NPR3: variants seen among roughly 807,000 people sequenced by gnomAD.
NPR3 encodes natriuretic peptide receptor 3.
In NPR3, 34 loss-of-function variants were observed where a neutral mutation model predicts 54.5. The ratio of observed to expected loss-of-function variants is 0.62; its 90% CI spans 0.47 to 0.83. The LOEUF is 0.83. NPR3 is among the 40% of genes least tolerant of loss of function. The pLI is 0.00. For missense variants in NPR3, 674 were observed against 720.8 expected (o/e 0.94, Z 0.74); for synonymous variants, 289 against 297.1 (o/e 0.97, Z 0.28).
intron 3 of NPR3, among the ~76,000 whole-genome samples, chr5:32,772,964 G>A (rs1173741): frequency 0.066 from 10,009 of 152,148 alleles, 1,066 homozygotes; most frequent in African/African-American, 0.22. Context: ...ATCTGCTTCC[G>A]GGATGCAAAC....
Position 32,712,013 on chromosome 5 carries a change from T to C in NPR3, c.237T>C (p.Ala79=), listed in dbSNP as rs6859964. ...GGGTGCGGCCGGCCATCGAGTATGC[T>C]CTGCGCAGCGTGGAGGGCAACGGGA... ...LTRVRPAIEY[A]LRSVEGNGTG... The change falls in exon 1 of 8, where the codon GCT becomes GCC. Residue 79 remains alanine, a synonymous_variant. Transcript: ENST00000265074. 10,926 of 1,613,512 alleles carry C rather than the reference T, an allele frequency of 6.8e-3. 649 individuals are homozygous for C. In the African/African-American group the frequency reaches 0.13, roughly 19 times the overall value.
intron 1 of NPR3, among the ~76,000 whole-genome samples, chr5:32,699,331 C>T (rs564322552): frequency 5.9e-5 from 9 of 152,250 alleles, no homozygotes; most frequent in African/African-American, 1.9e-4. Context: ...GATACAAGTG[C>T]AGAACATGTA....
intron 4 of NPR3, among the ~76,000 whole-genome samples, chr5:32,777,423 G>A (rs997304951): frequency 1.3e-5 from 2 of 152,146 alleles, no homozygotes; most frequent in Admixed American, 6.5e-5. Context: ...ACTGACAAGA[G>A]CTCTTTCGGT....
chr5:32,783,047 T>A lies in NPR3; in HGVS notation c.1426+19T>A, dbSNP rs539066271. ...AAATCATGTAAGTCTGGAGACTTAA[T>A]TTGCTATGTATGTCATCACCTCTAA... On this transcript the variant is annotated intron_variant, in intron 6 of 7. Coordinates refer to ENST00000265074, the MANE Select transcript of NPR3 (RefSeq NM_001204375.2). The A allele has an allele frequency of 6.3e-7, 1 of 1,587,390 alleles. No individual in the cohort carries two copies.
intron 1 of NPR3, among the ~76,000 whole-genome samples, chr5:32,691,412 G>T (rs1740385772): frequency 6.6e-6 from 1 of 152,186 alleles, no homozygotes; most frequent in South Asian, 2.1e-4. Flanking sequence ...ACAGTGTTTG[G>T]ACCAGAAGAG....
chr5:32,699,106 T>C lies in NPR3; in HGVS notation c.100+9920T>C, dbSNP rs562325978. 2.6e-5 allele frequency among the ~76,000 whole-genome samples: 4 copies of C among 152,322 alleles called. No individual in the cohort carries two copies. In the South Asian group the frequency reaches 8.3e-4, roughly 32 times the overall value. Reference sequence around the variant, plus strand: ...GGTGATTTTCTGCAATGGTGTGTTTTAATTTCTTGCTTTTTATTTTTTATG... The same window carrying C: ...GGTGATTTTCTGCAATGGTGTGTTTCAATTTCTTGCTTTTTATTTTTTATG... On this transcript the variant is annotated intron_variant, in intron 1 of 5. Coordinates refer to the NPR3 transcript ENST00000509104.
At chr5:32,734,421 C>A (rs540816609) in intron 2 of NPR3, among the ~76,000 whole-genome samples, 30 of 152,358 alleles carry the variant, frequency 2.0e-4, no homozygotes, top group African/African-American at 6.7e-4. Flanking sequence ...GTTACCCCAA[C>A]ATGGGTACCC....
chr5:32,784,802 G>T lies in NPR3; in HGVS notation c.1433G>T (p.Gly478Val). ...TCCATGCTTCTTTTTCAAGCAGGTG[G>T]CCTAGAAGAATCGGCAGTGACAGGA... The part of the protein sequence containing the change: ...TNSSPCKSSG[G>V]LEESAVTGIV... The change falls in exon 7 of 8, where the codon GGC becomes GTC. Residue 478 changes from glycine (G) to valine (V), a missense_variant. Physicochemically the swap from Gly to Val is moderately radical, Grantham distance 109. Coordinates refer to ENST00000265074, the MANE Select transcript of NPR3 (RefSeq NM_001204375.2). The T allele has an allele frequency of 1.9e-6, 3 of 1,613,204 alleles. No homozygotes were observed. Among genetic ancestry groups the T allele is most frequent in the Non-Finnish European group, 2.5e-6 (3 of 1,179,338 alleles).
intron 2 of NPR3, among the ~76,000 whole-genome samples, chr5:32,731,465 C>T (rs905911631): frequency 6.6e-6 from 1 of 152,134 alleles, no homozygotes; most frequent in Non-Finnish European, 1.5e-5. Flanking sequence ...CCCCTGCAAG[C>T]CTTAGTTTCT....
At chr5:32,724,877 T>G in intron 2 of NPR3, 57 bp downstream of exon 2, 1 of 1,593,720 alleles carries the variant, frequency 6.3e-7, no homozygotes, top group South Asian at 1.1e-5. Context: ...GGTTGTCAGA[T>G]GCCCATGAAT....
chr5:32,783,719 T>A (rs1742456954), intron 6 of NPR3: 1 of 152,210 alleles, frequency 6.6e-6, no homozygotes. Context: ...AAGGAGGAAG[T>A]GTTTTAAGAA....
chr5:32,704,814 A>G (rs1380823158), upstream of NPR3, among the ~76,000 whole-genome samples: 1 of 152,240 alleles, frequency 6.6e-6, no homozygotes, highest in Non-Finnish European at 1.5e-5. Context: ...CAGCCAGGGC[A>G]GGAAAGTTTT....
At chr5:32,725,773 C>T (rs988473472) in intron 2 of NPR3, among the ~76,000 whole-genome samples, 10 of 152,164 alleles carry the variant, frequency 6.6e-5, no homozygotes, top group Admixed American at 6.5e-4. Flanking sequence ...CAGTGGGTCA[C>T]AGTGTGAAAT....
intron 2 of NPR3, among the ~76,000 whole-genome samples, chr5:32,734,660 G>A (rs989666034): frequency 6.6e-6 from 1 of 152,200 alleles, no homozygotes; most frequent in African/African-American, 2.4e-5. Flanking sequence ...CTCCAAAGCT[G>A]TGCCACCCAA....
intron 6 of NPR3, among the ~76,000 whole-genome samples, chr5:32,784,151 C>T (rs1355808905): frequency 6.6e-6 from 1 of 152,108 alleles, no homozygotes; most frequent in East Asian, 1.9e-4. Flanking sequence ...AAATAAGAAG[C>T]CCTGGGTCAG....
chr5:32,779,095 G>T (rs1742209733), intron 4 of NPR3, among the ~76,000 whole-genome samples: 1 of 152,132 alleles, frequency 6.6e-6, no homozygotes, highest in South Asian at 2.1e-4. Flanking sequence ...AAAAATCAAT[G>T]GGCCTTCAAA....
intron 1 of NPR3, among the ~76,000 whole-genome samples, chr5:32,698,723 T>C (rs949064332): frequency 2.0e-5 from 3 of 152,052 alleles, no homozygotes; most frequent in African/African-American, 7.2e-5. Flanking sequence ...TATCATTAGA[T>C]AATGACCTTG....
At chr5:32,703,241 G>T (rs1250226467) in intron 1 of NPR3, among the ~76,000 whole-genome samples, 10 of 152,074 alleles carry the variant, frequency 6.6e-5, no homozygotes, top group Non-Finnish European at 1.0e-4. Context: ...CTCTGGCCCA[G>T]GGAGTATCCA....
rs186870359 is a variant in NPR3 at position 32,746,156 on chromosome 5, C to T, written c.1059+7126C>T. Among the ~76,000 whole-genome samples, 188 of 152,272 alleles carry T rather than the reference C, an allele frequency of 1.2e-3. 1 individual carries two copies. Among genetic ancestry groups the T allele is most frequent in the Non-Finnish European group, 2.1e-3 (140 of 68,010 alleles). On this transcript the variant is annotated intron_variant, in intron 3 of 7. Coordinates refer to ENST00000265074, the MANE Select transcript of NPR3 (RefSeq NM_001204375.2). Reference sequence around the variant, plus strand: ...GAAAATATCCATGTTTCCAGAGAATCGAAATTAAACAGTGAGTTCACTTTG... The same window carrying T: ...GAAAATATCCATGTTTCCAGAGAATTGAAATTAAACAGTGAGTTCACTTTG...
Sources: allele counts gnomAD v4.1 joint callset (sites outside exome capture counted in the v4.1 genomes callset), GRCh38; gene constraint gnomAD v4.1.1; transcripts MANE v1.5; gene names NCBI Gene and HGNC (gene_info 2026-07-23, HGNC 2026-07-21).